Variants in WDPCP observed in about 807,000 individuals in gnomAD.
The protein encoded by WDPCP is WD repeat-containing and planar cell polarity effector protein fritz homolog.
In WDPCP, 71 loss-of-function variants were observed where a neutral mutation model predicts 93.1. That is an observed-to-expected ratio of 0.76 (90% CI 0.63 to 0.93). WDPCP has a LOEUF of 0.93. WDPCP is among the 40% of genes least tolerant of loss of function. The probability of loss-of-function intolerance (pLI) is 0.00; values close to 1 mark genes in which losing one functional copy is unlikely to be tolerated. For missense variants in WDPCP, 844 were observed against 887.4 expected (o/e 0.95, Z 0.62); for synonymous variants, 315 against 315.0 (o/e 1.00, Z 0.00).
At chr2:63,819,567 C>T (rs769002869) in intron 1 of WDPCP, among the ~76,000 whole-genome samples, 29 of 152,266 alleles carry the variant, frequency 1.9e-4, no homozygotes, top group Admixed American at 5.2e-4. Flanking sequence ...GCTCCACTTT[C>T]GGAGTTTTAA....
intron 14 of WDPCP, among the ~76,000 whole-genome samples, chr2:63,180,209 G>A (rs1230776639): frequency 1.3e-5 from 2 of 151,990 alleles, no homozygotes; most frequent in African/African-American, 4.8e-5. Context: ...CTTTTTTTTG[G>A]TATGCATTTA....
intron 1 of WDPCP, among the ~76,000 whole-genome samples, chr2:63,548,559 T>TG (rs1405904342): frequency 6.6e-6 from 1 of 152,146 alleles, no homozygotes; most frequent in African/African-American, 2.4e-5. Context: ...CTAAAGAATA[T>TG]GTACTCTTCT....
chr2:63,671,620 T>C (rs1294363437), intron 2 of WDPCP, among the ~76,000 whole-genome samples: 1 of 152,038 alleles, frequency 6.6e-6, no homozygotes, highest in African/African-American at 2.4e-5. Context: ...CGATCTCGGC[T>C]CACTGCAACC....
In WDPCP at chr2:63,153,476, G is replaced by T. The variant is rs754375383; in HGVS notation, c.2158+19C>A. The T allele has an allele frequency of 1.3e-6, 2 of 1,582,058 alleles. No homozygotes were observed. The highest frequency in any genetic ancestry group is 2.2e-5 in the South Asian group (2 of 89,810). On this transcript the variant is annotated intron_variant, in intron 16 of 17. Coordinates refer to ENST00000272321, the MANE Select transcript of WDPCP (RefSeq NM_015910.7). ...TTTCTGTTATACTTTGAATACTTGG[G>T]TGTCTTGAATACCATTACCTTCTGC... is the stretch of plus-strand genomic sequence containing the variant.
At chr2:63,567,551 G>C (rs1707167441) in intron 1 of WDPCP, among the ~76,000 whole-genome samples, 1 of 152,148 alleles carries the variant, frequency 6.6e-6, no homozygotes, top group Non-Finnish European at 1.5e-5. Context: ...TGAGGAGCTG[G>C]ACACATGCTG....
At chr2:63,615,293 C>T (rs771029385) in intron 3 of WDPCP, among the ~76,000 whole-genome samples, 2 of 152,144 alleles carry the variant, frequency 1.3e-5, no homozygotes, top group Non-Finnish European at 2.9e-5. Context: ...TTCCTTTTTA[C>T]GACATACTCA....
intron 12 of WDPCP, among the ~76,000 whole-genome samples, chr2:63,356,381 A>G (rs948652257): frequency 6.6e-6 from 1 of 152,204 alleles, no homozygotes; most frequent in African/African-American, 2.4e-5. Flanking sequence ...AAGGCAGAAA[A>G]TTAACAAAGA....
intron 14 of WDPCP, among the ~76,000 whole-genome samples, chr2:63,252,392 T>A (rs1680804719): frequency 6.6e-6 from 1 of 152,102 alleles, no homozygotes; most frequent in Admixed American, 6.6e-5. Flanking sequence ...ATGCCCACAC[T>A]CATCATTCCT....
At chr2:63,462,075 C>G (rs574208262) in intron 6 of WDPCP, among the ~76,000 whole-genome samples, 1 of 152,272 alleles carries the variant, frequency 6.6e-6, no homozygotes, top group African/African-American at 2.4e-5. Flanking sequence ...GCACTATTCA[C>G]AATAGCAAAG....
intron 2 of WDPCP, among the ~76,000 whole-genome samples, chr2:63,653,967 C>T (rs1252995892): frequency 6.7e-6 from 1 of 148,628 alleles, no homozygotes; most frequent in Admixed American, 6.7e-5. Context: ...GGCTCATAAC[C>T]CAGAGAAAAA....
intron 9 of WDPCP, among the ~76,000 whole-genome samples, chr2:63,410,151 C>G (rs1370416482): frequency 6.6e-6 from 1 of 152,206 alleles, no homozygotes; most frequent in Non-Finnish European, 1.5e-5. Context: ...GAAAACCTAT[C>G]AGATTAACAG....
intron 9 of WDPCP, among the ~76,000 whole-genome samples, chr2:63,409,416 C>T (rs890036483): frequency 1.3e-5 from 2 of 152,174 alleles, no homozygotes; most frequent in African/African-American, 4.8e-5. Context: ...CAACCCTAGA[C>T]CTTCCGTCTG....
chr2:63,778,478 A>G (rs1670338741), intron 2 of WDPCP, among the ~76,000 whole-genome samples: 1 of 151,790 alleles, frequency 6.6e-6, no homozygotes, highest in African/African-American at 2.4e-5. Flanking sequence ...AAGTGCTAGG[A>G]TTACAGGCGT....
intron 14 of WDPCP, among the ~76,000 whole-genome samples, chr2:63,252,631 T>C (rs2104726394): frequency 6.6e-6 from 1 of 152,214 alleles, no homozygotes; most frequent in South Asian, 2.1e-4. Context: ...ACTAATAACA[T>C]TCAAGCTGAG....
chr2:63,306,020 G>A (rs770851338), intron 13 of WDPCP, among the ~76,000 whole-genome samples: 6 of 152,098 alleles, frequency 3.9e-5, no homozygotes, highest in Non-Finnish European at 7.3e-5. Context: ...AGAAAATAGA[G>A]AAGAATCAAA....
chr2:63,792,855 G>A (rs1670563927), intron 2 of WDPCP, among the ~76,000 whole-genome samples: 1 of 150,554 alleles, frequency 6.6e-6, no homozygotes, highest in South Asian at 2.1e-4. Flanking sequence ...TCAGATTTGT[G>A]TTTTAGAAAA....
intron 15 of WDPCP, among the ~76,000 whole-genome samples, chr2:63,159,042 G>C (rs868380373): frequency 1.1e-4 from 17 of 148,506 alleles, no homozygotes; most frequent in South Asian, 6.6e-4. Context: ...TGTAGTCCCA[G>C]CTCTTTGGGT....
At chr2:63,776,352 A>G (rs1670302907) in intron 2 of WDPCP, among the ~76,000 whole-genome samples, 1 of 151,680 alleles carries the variant, frequency 6.6e-6, no homozygotes, top group Non-Finnish European at 1.5e-5. Context: ...TTGCCATTTC[A>G]CCAAAGAAGT....
chr2:63,831,557 T>C (rs890453899), upstream of WDPCP, among the ~76,000 whole-genome samples: 1 of 152,166 alleles, frequency 6.6e-6, no homozygotes, highest in Admixed American at 6.5e-5. Flanking sequence ...TAAATGTATT[T>C]AACATAATTT....
Sources: allele counts gnomAD v4.1 joint callset (sites outside exome capture counted in the v4.1 genomes callset), GRCh38; gene constraint gnomAD v4.1.1; transcripts MANE v1.5; gene names NCBI Gene and HGNC (gene_info 2026-07-23, HGNC 2026-07-21).